Variants in IQCM observed in about 807,000 individuals in gnomAD.
IQCM encodes IQ motif containing M, also known as IQ domain-containing protein M.
A neutral mutation model predicts 57.6 loss-of-function variants in IQCM; 45 were observed. That is an observed-to-expected ratio of 0.78 (90% CI 0.62 to 1.00). The LOEUF (loss-of-function observed/expected upper bound fraction) is 1.00, where lower values mean the gene tolerates loss of function less well. IQCM is among the 50% of genes least tolerant of loss of function. The pLI, the probability that IQCM is intolerant of heterozygous loss-of-function variation, is 0.00. For synonymous variants in IQCM, 148 were observed against 158.9 expected (o/e 0.93, Z 0.51); for missense variants, 468 against 511.6 (o/e 0.91, Z 0.82).
chr4:149,738,447 C>T (rs1438534087), intron 3 of IQCM, among the ~76,000 whole-genome samples: 1 of 152,148 alleles, frequency 6.6e-6, no homozygotes, highest in Non-Finnish European at 1.5e-5. Flanking sequence ...CCTTGCTGGG[C>T]TCTTTGTTGA....
At chr4:149,655,088 G>T (rs1375086030) in intron 7 of IQCM, among the ~76,000 whole-genome samples, 3 of 151,870 alleles carry the variant, frequency 2.0e-5, no homozygotes, top group Non-Finnish European at 4.4e-5. Context: ...CTTGCTTTAG[G>T]ATATATACAT....
At chr4:149,629,380 C>T (rs1757067892) in intron 7 of IQCM, among the ~76,000 whole-genome samples, 1 of 152,074 alleles carries the variant, frequency 6.6e-6, no homozygotes, top group Non-Finnish European at 1.5e-5. Flanking sequence ...TTTTATTTGG[C>T]TTGAACATGT....
At chr4:149,763,978 A>G (rs892109605) in intron 2 of IQCM, among the ~76,000 whole-genome samples, 1 of 152,120 alleles carries the variant, frequency 6.6e-6, no homozygotes, top group African/African-American at 2.4e-5. Flanking sequence ...TTTAAAAAAA[A>G]CAAAATAAAT....
intron 12 of IQCM, among the ~76,000 whole-genome samples, chr4:149,537,724 C>T (rs894584663): frequency 6.6e-6 from 1 of 151,738 alleles, no homozygotes; most frequent in Admixed American, 6.6e-5. Context: ...AGAGAAAATG[C>T]CTCATCATAC....
At chr4:149,592,747 G>T (rs934358430) in intron 8 of IQCM, among the ~76,000 whole-genome samples, 4 of 152,038 alleles carry the variant, frequency 2.6e-5, no homozygotes, top group Non-Finnish European at 5.9e-5. Context: ...TGTCAGGTTT[G>T]TCAAAGATCA....
intron 7 of IQCM, among the ~76,000 whole-genome samples, chr4:149,632,236 C>A (rs940918301): frequency 1.3e-5 from 2 of 152,136 alleles, no homozygotes; most frequent in African/African-American, 4.8e-5. Context: ...AGAAACAGAC[C>A]TGAACGTTTG....
intron 12 of IQCM, among the ~76,000 whole-genome samples, chr4:149,523,878 GA>G (rs1745903784): frequency 6.6e-6 from 1 of 152,088 alleles, no homozygotes; most frequent in South Asian, 2.1e-4. Flanking sequence ...AAAACCAAAG[GA>G]AAAGGGCAGA....
At chr4:149,553,052 CT>C (rs1406904303) in intron 11 of IQCM, 90 bp downstream of exon 11, 2 of 951,560 alleles carry the variant, frequency 2.1e-6, no homozygotes, top group Non-Finnish European at 2.7e-6. Context: ...TATAATCTAC[CT>C]TTGCTTTCTA....
At chr4:149,527,720 T>C (rs962578870) in intron 12 of IQCM, among the ~76,000 whole-genome samples, 2 of 152,226 alleles carry the variant, frequency 1.3e-5, no homozygotes. Flanking sequence ...ACAGCTAGTT[T>C]GTGGTGGAAC....
At chr4:149,524,121 A>T (rs1745929071) in intron 12 of IQCM, among the ~76,000 whole-genome samples, 1 of 152,104 alleles carries the variant, frequency 6.6e-6, no homozygotes, top group Admixed American at 6.6e-5. Context: ...CACATAGATG[A>T]CTCCCAGAAA....
chr4:149,489,742 G>A (rs1184442758), intron 12 of IQCM, among the ~76,000 whole-genome samples: 1 of 151,448 alleles, frequency 6.6e-6, no homozygotes, highest in Non-Finnish European at 1.5e-5. Flanking sequence ...TGGGCTCAAG[G>A]ATATCTCTAT....
chr4:149,561,289 A>G (rs1338958905), intron 10 of IQCM, among the ~76,000 whole-genome samples: 2 of 151,778 alleles, frequency 1.3e-5, no homozygotes, highest in Admixed American at 6.6e-5. Context: ...TTCTCTCTCA[A>G]TTTTTTAGAT....
intron 8 of IQCM, among the ~76,000 whole-genome samples, chr4:149,601,463 A>G (rs1754289021): frequency 6.6e-6 from 1 of 152,182 alleles, no homozygotes; most frequent in Non-Finnish European, 1.5e-5. Flanking sequence ...GATGCAATTT[A>G]AAAATATGTA....
At chr4:149,592,474 T>G (rs1283904846) in intron 8 of IQCM, among the ~76,000 whole-genome samples, 1 of 152,132 alleles carries the variant, frequency 6.6e-6, no homozygotes, top group Non-Finnish European at 1.5e-5. Flanking sequence ...AGATCCCATT[T>G]GTCAATTTTG....
chr4:149,661,013 A>G (rs1047607991), intron 7 of IQCM, among the ~76,000 whole-genome samples: 1 of 152,092 alleles, frequency 6.6e-6, no homozygotes, highest in African/African-American at 2.4e-5. Context: ...ATAAAAAACT[A>G]AAAATAAAAA....
chr4:149,386,119 CT>C (rs1731406078), intron 13 of IQCM, among the ~76,000 whole-genome samples: 1 of 152,028 alleles, frequency 6.6e-6, no homozygotes, highest in African/African-American at 2.4e-5. Context: ...AGTGCTCCAT[CT>C]TGTACAAAAT....
chr4:149,699,380 A>T (rs1179850186), intron 5 of IQCM, among the ~76,000 whole-genome samples: 2 of 152,054 alleles, frequency 1.3e-5, no homozygotes, highest in Non-Finnish European at 2.9e-5. Flanking sequence ...CATGGTCAGA[A>T]GCTTAGCAAA....
chr4:149,381,362 T>C (rs1731062663), intron 13 of IQCM, among the ~76,000 whole-genome samples: 1 of 152,158 alleles, frequency 6.6e-6, no homozygotes, highest in African/African-American at 2.4e-5. Flanking sequence ...TTGATCACCA[T>C]GCCATTAAGC....
chr4:149,388,543 T>C (rs1166903396), intron 13 of IQCM, among the ~76,000 whole-genome samples: 8 of 133,660 alleles, frequency 6.0e-5, no homozygotes, highest in East Asian at 2.0e-4. Context: ...ATATATTATA[T>C]ATAATATATA....
Sources: allele counts gnomAD v4.1 joint callset (sites outside exome capture counted in the v4.1 genomes callset), GRCh38; gene constraint gnomAD v4.1.1; transcripts MANE v1.5; gene names NCBI Gene and HGNC (gene_info 2026-07-23, HGNC 2026-07-21).